ALDH1L1: variants seen among roughly 807,000 people sequenced by gnomAD.
ALDH1L1 encodes aldehyde dehydrogenase 1 family member L1, also known as cytosolic 10-formyltetrahydrofolate dehydrogenase.
Under a neutral mutation model 101.1 loss-of-function variants are expected in ALDH1L1, and 68 were observed. The observed-to-expected ratio is 0.67, with a 90% CI of 0.55 to 0.82. The LOEUF (loss-of-function observed/expected upper bound fraction) is 0.82. Among genes scored for constraint, ALDH1L1 ranks in the 40% least tolerant of loss-of-function variants. The probability of loss-of-function intolerance (pLI) is 0.00; values close to 1 mark genes in which losing one functional copy is unlikely to be tolerated. For missense variants in ALDH1L1, 1,087 were observed against 1,172.7 expected (o/e 0.93, Z 1.07); for synonymous variants, 486 against 470.8 (o/e 1.03, Z -0.42).
chr3:126,173,138 T>A (rs984510474), intron 1 of ALDH1L1, among the ~76,000 whole-genome samples: 1 of 152,142 alleles, frequency 6.6e-6, no homozygotes, highest in African/African-American at 2.4e-5. Context: ...ATTAAACAAG[T>A]CAGAAACTCA....
chr3:126,162,692 T>G (rs2081085999), intron 1 of ALDH1L1, among the ~76,000 whole-genome samples: 1 of 152,224 alleles, frequency 6.6e-6, no homozygotes, highest in Non-Finnish European at 1.5e-5. Context: ...TTCTTAAACT[T>G]AATATAGTAC....
chr3:126,178,607 A>C (rs2081410177), intron 1 of ALDH1L1, among the ~76,000 whole-genome samples: 1 of 152,168 alleles, frequency 6.6e-6, no homozygotes, highest in South Asian at 2.1e-4. Context: ...ATTGGGTTAA[A>C]AATAAATACT....
At chr3:126,114,509 T>C (rs1469971015) in intron 18 of ALDH1L1, 48 bp downstream of exon 18, 2 of 1,419,930 alleles carry the variant, frequency 1.4e-6, no homozygotes, top group African/African-American at 2.9e-5. Context: ...GTCCCTACAG[T>C]CCCTGTTCCC....
chr3:126,194,371 G>A (rs1188338152), intron 1 of ALDH1L1, among the ~76,000 whole-genome samples: 1 of 152,142 alleles, frequency 6.6e-6, no homozygotes, highest in African/African-American at 2.4e-5. Flanking sequence ...GCGGCTCTCT[G>A]TAGCATCCCA....
At chr3:126,172,385 G>GA (rs2081294927) in intron 1 of ALDH1L1, among the ~76,000 whole-genome samples, 1 of 151,418 alleles carries the variant, frequency 6.6e-6, no homozygotes, top group African/African-American at 2.4e-5. Flanking sequence ...TGGAAATTAA[G>GA]AAAAAAATCA....
At chr3:126,112,727 C>T (rs1946118396) in intron 19 of ALDH1L1, 55 bp downstream of exon 19, 3 of 1,426,868 alleles carry the variant, frequency 2.1e-6, no homozygotes, top group African/African-American at 1.8e-5. Flanking sequence ...CCCCTCCAGC[C>T]AGGCGCTGCT....
At chr3:126,152,138 G>A (rs2080818539) in intron 7 of ALDH1L1, 1 of 152,270 alleles carries the variant, frequency 6.6e-6, no homozygotes, top group African/African-American at 2.4e-5. Flanking sequence ...AGAGGCCGAG[G>A]GATTATGCCT....
In ALDH1L1 at chr3:126,144,402, A is replaced by G. The variant is rs574901509; in HGVS notation, c.1076+2433T>C. Among the ~76,000 whole-genome samples, 267 of 152,346 alleles carry G rather than the reference A, an allele frequency of 1.8e-3. 1 individual carries two copies. The highest frequency in any genetic ancestry group is 2.2e-3 in the Non-Finnish European group (153 of 68,034). On this transcript the variant is annotated intron_variant, in intron 9 of 22. Coordinates refer to ENST00000393434, the MANE Select transcript of ALDH1L1 (RefSeq NM_012190.4). Reference sequence around the variant, plus strand: ...CTATCAAGGGACTGTGAATAGTTCAAACAATCCTGAAAAAGAACAAAGTTA... The same window carrying G: ...CTATCAAGGGACTGTGAATAGTTCAGACAATCCTGAAAAAGAACAAAGTTA...
intron 11 of ALDH1L1, among the ~76,000 whole-genome samples, chr3:126,136,316 C>T (rs1337229129): frequency 2.6e-5 from 4 of 152,142 alleles, no homozygotes; most frequent in African/African-American, 9.7e-5. Context: ...TGTGTATCTA[C>T]CATAGGCGTG....
intron 9 of ALDH1L1, among the ~76,000 whole-genome samples, chr3:126,144,754 C>T (rs911707799): frequency 6.6e-6 from 1 of 152,182 alleles, no homozygotes; most frequent in Non-Finnish European, 1.5e-5. Flanking sequence ...TAGAAGAAAG[C>T]ATAGGGGAAA....
chr3:126,169,696 C>G (rs908271843), intron 1 of ALDH1L1, among the ~76,000 whole-genome samples: 6 of 152,180 alleles, frequency 3.9e-5, no homozygotes, highest in African/African-American at 1.4e-4. Context: ...TTTAACAACT[C>G]TTATCTCAAA....
chr3:126,159,574 T>C (rs968291400), intron 2 of ALDH1L1: 3 of 455,544 alleles, frequency 6.6e-6, no homozygotes, highest in Non-Finnish European at 1.3e-5. Flanking sequence ...TGTCTGGTAG[T>C]TTTGAGAGAG....
chr3:126,111,314 C>T (rs1946069803), intron 19 of ALDH1L1, among the ~76,000 whole-genome samples: 1 of 152,274 alleles, frequency 6.6e-6, no homozygotes, highest in Admixed American at 6.5e-5. Context: ...TGTGCTCTCA[C>T]TCTTAGGAGT....
intron 3 of ALDH1L1, 120 bp downstream of exon 3, chr3:126,158,285 G>C: frequency 1.0e-6 from 1 of 957,096 alleles, no homozygotes; most frequent in Non-Finnish European, 1.5e-6. Context: ...CACAGGACAG[G>C]CACCTGCACG....
upstream of ALDH1L1, chr3:126,180,721 G>T: frequency 1.4e-6 from 2 of 1,399,352 alleles, no homozygotes; most frequent in Non-Finnish European, 1.9e-6. Flanking sequence ...CACCCTCTCC[G>T]GGCGGGTCTA....
At chr3:126,173,375 T>C (rs2081316768) in intron 1 of ALDH1L1, among the ~76,000 whole-genome samples, 1 of 152,170 alleles carries the variant, frequency 6.6e-6, no homozygotes, top group Admixed American at 6.5e-5. Flanking sequence ...ATAGTGTTAT[T>C]CAAAAGCAGA....
chr3:126,150,301 C>A (rs1398566518), intron 8 of ALDH1L1, 105 bp downstream of exon 8: 25 of 1,462,740 alleles, frequency 1.7e-5, no homozygotes, highest in African/African-American at 4.3e-5. Context: ...AAACAGACAC[C>A]CACAGAGGGC....
At chr3:126,135,491 A>G (rs1280336394) in intron 12 of ALDH1L1, 44 bp downstream of exon 12, 1 of 1,589,466 alleles carries the variant, frequency 6.3e-7, no homozygotes, top group Non-Finnish European at 8.5e-7. Flanking sequence ...ACTGCCCAGA[A>G]GCTGATGGTG....
intron 12 of ALDH1L1, among the ~76,000 whole-genome samples, chr3:126,133,965 G>A (rs1391889424): frequency 6.6e-6 from 1 of 152,222 alleles, no homozygotes. Context: ...TCTACCAGGA[G>A]TTCAGGGGAC....
Sources: gnomAD v4.1 joint callset for allele counts (sites outside exome capture counted in the v4.1 genomes callset) on GRCh38, gnomAD v4.1.1 for gene constraint, MANE v1.5 for transcripts, NCBI Gene and HGNC (gene_info 2026-07-23, HGNC 2026-07-21) for gene names.